The following PRLR variants were observed in gnomAD, a reference collection of about 807,000 sequenced individuals.
PRLR encodes prolactin receptor, also known as hPRL receptor.
Under a neutral mutation model 40.2 loss-of-function variants are expected in PRLR, and 13 were observed. The observed-to-expected ratio is 0.32, with a 90% CI of 0.21 to 0.51. The LOEUF is 0.51. Ranked by LOEUF, PRLR falls within the 20% of genes least tolerant of loss-of-function variation. The pLI, the probability that PRLR is intolerant of heterozygous loss-of-function variation, is 0.97. For missense variants in PRLR, 656 were observed against 747.3 expected (o/e 0.88, Z 1.42); for synonymous variants, 269 against 278.7 (o/e 0.97, Z 0.35).
intron 2 of PRLR, among the ~76,000 whole-genome samples, chr5:35,104,058 C>T (rs60000687): frequency 0.037 from 5,600 of 152,092 alleles, 114 homozygotes; most frequent in Non-Finnish European, 0.047. Context: ...TTTTATATCC[C>T]GTACAGTTCA....
intron 1 of PRLR, among the ~76,000 whole-genome samples, chr5:35,212,743 G>A (rs1776201981): frequency 6.6e-6 from 1 of 152,112 alleles, no homozygotes; most frequent in African/African-American, 2.4e-5. Context: ...GAATCCCCTA[G>A]CGAATTTAAA....
intron 1 of PRLR, among the ~76,000 whole-genome samples, chr5:35,190,268 G>A (rs1230041451): frequency 1.3e-5 from 2 of 152,138 alleles, no homozygotes; most frequent in African/African-American, 4.8e-5. Context: ...CGAACACTTA[G>A]CAGGCAGTTT....
intron 5 of PRLR, among the ~76,000 whole-genome samples, chr5:35,080,887 G>T (rs1253918370): frequency 5.9e-5 from 9 of 151,938 alleles, no homozygotes; most frequent in Non-Finnish European, 8.8e-5. Flanking sequence ...TCATGTCTTC[G>T]TAGGGACATG....
intron 9 of PRLR, 23 bp downstream of exon 9, chr5:35,068,193 A>G (rs1769496477): frequency 3.8e-6 from 6 of 1,581,822 alleles, no homozygotes; most frequent in Non-Finnish European, 5.2e-6. Flanking sequence ...GTCACACTCC[A>G]TTTTTTTGCC....
At chr5:35,174,087 GTT>G (rs58461577) in intron 1 of PRLR, among the ~76,000 whole-genome samples, 18,268 of 137,200 alleles carry the variant, frequency 0.13, 1,203 homozygotes, top group African/African-American at 0.2. Context: ...TGGGTGTTCG[GTT>G]TTTTTTTTTT....
chr5:35,077,833 A>G lies in PRLR; in HGVS notation c.374-5089T>C, dbSNP rs1290593300. Among the ~76,000 whole-genome samples, 3 of 152,218 alleles carry G rather than the reference A, an allele frequency of 2.0e-5. No individual in the cohort carries two copies. The East Asian group carries it at 5.8e-4, about 29-fold the overall frequency. On this transcript the variant is annotated intron_variant, in intron 5 of 9. Transcript: ENST00000618457. ...AGCACTCCTCAGCAAATGTAAAAGG[A>G]CAGAAATTATAACAAACTATCTCTC...
chr5:35,078,288 A>C (rs1167451272), intron 5 of PRLR, among the ~76,000 whole-genome samples: 2 of 152,314 alleles, frequency 1.3e-5, no homozygotes, highest in East Asian at 3.9e-4. Flanking sequence ...AAAGATCAAC[A>C]AAATTAATAG....
At chr5:35,204,436 G>C (rs1468291111) in intron 1 of PRLR, among the ~76,000 whole-genome samples, 1 of 152,030 alleles carries the variant, frequency 6.6e-6, no homozygotes, top group Non-Finnish European at 1.5e-5. Flanking sequence ...TTTCTAATAA[G>C]CAGCAGAGGG....
chr5:35,178,818 C>CA, intron 1 of PRLR, among the ~76,000 whole-genome samples: 1 of 151,980 alleles, frequency 6.6e-6, no homozygotes, highest in Non-Finnish European at 1.5e-5. Flanking sequence ...AAAAATTTAA[C>CA]AAAAAAGTGC....
intron 2 of PRLR, among the ~76,000 whole-genome samples, chr5:35,116,088 C>T (rs1168980483): frequency 6.6e-6 from 1 of 152,068 alleles, no homozygotes; most frequent in Non-Finnish European, 1.5e-5. Context: ...CTTTGTAATC[C>T]AAACACCAGG....
intron 1 of PRLR, among the ~76,000 whole-genome samples, chr5:35,152,065 T>A (rs1194490933): frequency 6.6e-6 from 1 of 152,170 alleles, no homozygotes; most frequent in Non-Finnish European, 1.5e-5. Context: ...AGATGAAAAA[T>A]ACTATTTTCA....
At chr5:35,102,787 C>T (rs1455437735) in intron 2 of PRLR, among the ~76,000 whole-genome samples, 9 of 152,164 alleles carry the variant, frequency 5.9e-5, no homozygotes. Context: ...AGGTGATCCA[C>T]CTGCCTCGGC....
chr5:35,131,951 A>G (rs1408055055), intron 1 of PRLR, among the ~76,000 whole-genome samples: 1 of 152,202 alleles, frequency 6.6e-6, no homozygotes, highest in African/African-American at 2.4e-5. Context: ...ACAGACACAG[A>G]AACCCTGGAG....
rs1178238409 is a variant in PRLR at position 35,056,030 on chromosome 5, G to C, written c.*9059C>G. 1 of 152,128 alleles carries C rather than the reference G, an allele frequency of 6.6e-6. No homozygotes were observed. The highest frequency in any genetic ancestry group is 1.9e-4 in the East Asian group (1 of 5,196). The allele number at this position is 152,128 out of a possible 1,614,324, so 9.4% of individuals were successfully genotyped here. ...GTATTCACCAATCAACATCCATGCG[G>C]TGTTTTATTTGACCCACATCCTCTT... On this transcript the variant is annotated 3_prime_UTR_variant, in exon 10 of 10. Transcript: ENST00000618457.
downstream of PRLR, among the ~76,000 whole-genome samples, chr5:35,053,017 G>A (rs1260051285): frequency 1.3e-5 from 2 of 152,138 alleles, no homozygotes; most frequent in Non-Finnish European, 2.9e-5. Context: ...ACTTTTGTCA[G>A]TGACTTTTAG....
At chr5:35,080,054 C>A (rs1427012354) in intron 5 of PRLR, among the ~76,000 whole-genome samples, 1 of 152,194 alleles carries the variant, frequency 6.6e-6, no homozygotes, top group Non-Finnish European at 1.5e-5. Context: ...GGATTTAAGA[C>A]TTAAATGTTA....
intron 1 of PRLR, among the ~76,000 whole-genome samples, chr5:35,155,691 C>T (rs12109140): frequency 0.14 from 21,979 of 152,056 alleles, 3,937 homozygotes; most frequent in African/African-American, 0.42. Context: ...AAGGAGTTAC[C>T]GGAGATTCCA....
intron 1 of PRLR, among the ~76,000 whole-genome samples, chr5:35,162,620 G>T (rs1459083126): frequency 6.6e-6 from 1 of 152,320 alleles, no homozygotes; most frequent in East Asian, 1.9e-4. Flanking sequence ...TCTCCAACAG[G>T]AGGGTCAGAG....
At chr5:35,119,093 C>A (rs1389127597) in intron 1 of PRLR, among the ~76,000 whole-genome samples, 2 of 152,150 alleles carry the variant, frequency 1.3e-5, no homozygotes, top group Non-Finnish European at 2.9e-5. Flanking sequence ...CCATGCCCAA[C>A]CTACAGCTAC....
Sources: gnomAD v4.1 joint callset for allele counts (sites outside exome capture counted in the v4.1 genomes callset) on GRCh38, gnomAD v4.1.1 for gene constraint, MANE v1.5 for transcripts, NCBI Gene and HGNC (gene_info 2026-07-23, HGNC 2026-07-21) for gene names.